The following ITCH variants were observed in gnomAD, a reference collection of about 807,000 sequenced individuals.
ITCH encodes E3 ubiquitin-protein ligase Itchy homolog.
ITCH carries 28 observed loss-of-function variants against 126.8 expected under a neutral mutation model. The observed-to-expected ratio is 0.22, with a 90% CI of 0.16 to 0.30. ITCH has a LOEUF of 0.30. Among genes scored for constraint, ITCH ranks in the 10% least tolerant of loss-of-function variants. The pLI is 1.00. For synonymous variants in ITCH, 342 were observed against 340.0 expected (o/e 1.01, Z -0.06); for missense variants, 631 against 1,032.4 (o/e 0.61, Z 5.33).
Position 34,464,540 on chromosome 20 carries a change from T to C in ITCH, c.1424+2319T>C, listed in dbSNP as rs543629455. ...CAGGGTTTCTCCTTGTTGGTCAGGCTGATCTCGAACTCCCGACCTCAGGTG... is the reference window on the plus strand; with the variant it reads ...CAGGGTTTCTCCTTGTTGGTCAGGCCGATCTCGAACTCCCGACCTCAGGTG... On this transcript the variant is annotated intron_variant, in intron 14 of 24. Coordinates refer to ENST00000374864, the MANE Select transcript of ITCH (RefSeq NM_031483.7). Among the ~76,000 whole-genome samples the C allele has an allele frequency of 9.9e-5, 15 of 152,130 alleles. No individual in the cohort carries two copies. In the South Asian group the frequency reaches 2.9e-3, roughly 29 times the overall value.
intron 3 of ITCH, among the ~76,000 whole-genome samples, chr20:34,407,980 A>G (rs1261870287): frequency 6.6e-6 from 1 of 152,134 alleles, no homozygotes; most frequent in East Asian, 1.9e-4. Context: ...GTTTTGAGAT[A>G]TGGTCTCGCT....
chr20:34,492,981 C>T (rs1047983884), intron 23 of ITCH, among the ~76,000 whole-genome samples: 1 of 152,166 alleles, frequency 6.6e-6, no homozygotes, highest in Non-Finnish European at 1.5e-5. Flanking sequence ...CCACTCTTCC[C>T]TGGGAGACTG....
chr20:34,481,047 G>A lies in ITCH; in HGVS notation c.1953-19G>A, dbSNP rs777216397. 3 of 1,611,830 alleles carry A rather than the reference G, an allele frequency of 1.9e-6. No homozygotes were observed. Among genetic ancestry groups the A allele is most frequent in the East Asian group, 2.2e-5 (1 of 44,710 alleles). On this transcript the variant is annotated intron_variant, in intron 19 of 24. Transcript: ENST00000374864. Reference sequence around the variant, plus strand: ...TGAATTGGTGGATATAACAAATAGTGCTAATTTCATTTGTGCAGGGAAAAC... The same window carrying A: ...TGAATTGGTGGATATAACAAATAGTACTAATTTCATTTGTGCAGGGAAAAC...
intron 3 of ITCH, among the ~76,000 whole-genome samples, chr20:34,404,140 C>G (rs1183214055): frequency 6.6e-6 from 1 of 152,114 alleles, no homozygotes; most frequent in African/African-American, 2.4e-5. Flanking sequence ...AGAGGCCTCT[C>G]ATAGTAGCCC....
intron 6 of ITCH, among the ~76,000 whole-genome samples, chr20:34,424,052 C>T (rs1289324455): frequency 1.3e-5 from 2 of 152,134 alleles, no homozygotes; most frequent in African/African-American, 4.8e-5. Context: ...AGCTGTTTTC[C>T]AGGCCCCTGC....
At chr20:34,494,560 A>G (rs1031983756) in intron 23 of ITCH, among the ~76,000 whole-genome samples, 1 of 152,160 alleles carries the variant, frequency 6.6e-6, no homozygotes, top group Non-Finnish European at 1.5e-5. Context: ...TGATACATGT[A>G]TACAATATAT....
intron 7 of ITCH, among the ~76,000 whole-genome samples, chr20:34,431,268 C>T (rs1370075041): frequency 6.6e-6 from 1 of 151,968 alleles, no homozygotes; most frequent in Non-Finnish European, 1.5e-5. Flanking sequence ...AAAAAATTAG[C>T]CAGGTGAGGT....
In ITCH at chr20:34,440,059, A is replaced by G. The variant is rs545048303; in HGVS notation, c.680-96A>G. ...TGTGCATCTACATCTTAAGTTTTAT[A>G]TTTATCATCTGCCTTTTATTTTTTA... is the stretch of plus-strand genomic sequence containing the variant. On this transcript the variant is annotated intron_variant, in intron 8 of 24. Coordinates refer to ENST00000374864, the MANE Select transcript of ITCH (RefSeq NM_031483.7). 10 of 869,630 alleles carry G rather than the reference A, an allele frequency of 1.1e-5. No homozygotes were observed. The African/African-American group carries it at 1.2e-4, about 10-fold the overall frequency. 53.9% of individuals were successfully genotyped at this position (869,630 alleles called of 1,614,324 possible). A position where few individuals can be genotyped will look rare whatever the true frequency, so the allele number is the denominator to read the frequency against.
chr20:34,455,632 T>G (rs1380205504), intron 12 of ITCH, among the ~76,000 whole-genome samples: 1 of 149,800 alleles, frequency 6.7e-6, no homozygotes, highest in Admixed American at 6.7e-5. Flanking sequence ...CTGGCTAATT[T>G]TTTTTTTTTT....
chr20:34,400,947 T>C (rs905505637), intron 3 of ITCH, among the ~76,000 whole-genome samples: 2 of 152,246 alleles, frequency 1.3e-5, no homozygotes, highest in Admixed American at 1.3e-4. Flanking sequence ...TTAGTAGAGA[T>C]GAGGCTTTAC....
At chr20:34,398,695 G>T (rs1436777037) in intron 3 of ITCH, among the ~76,000 whole-genome samples, 2 of 152,208 alleles carry the variant, frequency 1.3e-5, no homozygotes, top group East Asian at 3.9e-4. Flanking sequence ...ACCGCGCCTG[G>T]CCTTAAATAT....
At chr20:34,496,757 C>T (rs1395888125) in intron 23 of ITCH, among the ~76,000 whole-genome samples, 2 of 145,010 alleles carry the variant, frequency 1.4e-5, no homozygotes, top group African/African-American at 5.1e-5. Flanking sequence ...GAGCCGAGAT[C>T]GTGCCATTGC....
chr20:34,367,393 C>T (rs1490783871), intron 1 of ITCH, among the ~76,000 whole-genome samples: 1 of 152,172 alleles, frequency 6.6e-6, no homozygotes, highest in African/African-American at 2.4e-5. Flanking sequence ...AAATTTATGC[C>T]TCTAAAAAGT....
At chr20:34,393,193 A>G (rs886858278) in intron 2 of ITCH, among the ~76,000 whole-genome samples, 30 of 152,142 alleles carry the variant, frequency 2.0e-4, no homozygotes, top group Non-Finnish European at 4.4e-5. Flanking sequence ...TGGCCCCTGT[A>G]TTACTAACAA....
chr20:34,370,061 G>A (rs2037561903), intron 2 of ITCH, among the ~76,000 whole-genome samples: 1 of 148,906 alleles, frequency 6.7e-6, no homozygotes. Flanking sequence ...CCATGATCAC[G>A]CCACTGCACT....
intron 16 of ITCH, chr20:34,476,350 C>T (rs542608704): frequency 1.5e-6 from 2 of 1,330,036 alleles, no homozygotes; most frequent in South Asian, 2.7e-5. Flanking sequence ...CCGGCCCGGT[C>T]CCCGGCTCCT....
chr20:34,494,445 CTAGTT>C (rs780283173), intron 23 of ITCH, among the ~76,000 whole-genome samples: 5 of 152,030 alleles, frequency 3.3e-5, no homozygotes, highest in Admixed American at 1.3e-4. Flanking sequence ...TAGAGGCTAT[CTAGTT>C]TATTTTGTTT....
chr20:34,386,102 T>TTTTTG (rs1555851863), intron 2 of ITCH, among the ~76,000 whole-genome samples: 1 of 152,026 alleles, frequency 6.6e-6, no homozygotes, highest in African/African-American at 2.4e-5. Flanking sequence ...TTTGTTTTTT[T>TTTTTG]TTTTGTTTTG....
intron 4 of ITCH, among the ~76,000 whole-genome samples, chr20:34,409,734 G>C (rs1978713072): frequency 1.3e-5 from 2 of 152,136 alleles, no homozygotes; most frequent in Admixed American, 1.3e-4. Context: ...TTGTATGTTG[G>C]TGTTTATATC....
Sources: gnomAD v4.1 joint callset for allele counts (sites outside exome capture counted in the v4.1 genomes callset) on GRCh38, gnomAD v4.1.1 for gene constraint, MANE v1.5 for transcripts, NCBI Gene and HGNC (gene_info 2026-07-23, HGNC 2026-07-21) for gene names.